RNFT2: variants seen among roughly 807,000 people sequenced by gnomAD.
RNFT2 encodes the protein ring finger protein, transmembrane 2, also known as E3 ubiquitin-protein ligase RNFT2.
RNFT2 carries 36 observed loss-of-function variants against 53.0 expected under a neutral mutation model. That is an observed-to-expected ratio of 0.68 (90% CI 0.52 to 0.90). The LOEUF is 0.90. Ranked by LOEUF, RNFT2 falls within the 40% of genes least tolerant of loss-of-function variation. RNFT2 has a pLI of 0.00. For synonymous variants in RNFT2, 260 were observed against 253.2 expected (o/e 1.03, Z -0.26); for missense variants, 514 against 585.6 (o/e 0.88, Z 1.26).
intron 7 of RNFT2, among the ~76,000 whole-genome samples, chr12:116,780,792 A>G (rs1217702875): frequency 1.3e-5 from 2 of 152,036 alleles, no homozygotes; most frequent in Non-Finnish European, 2.9e-5. Context: ...CCTTTTGCCC[A>G]TTGAGCTCAT....
At chr12:116,837,414 A>T (rs1020379368) in intron 10 of RNFT2, among the ~76,000 whole-genome samples, 25 of 152,134 alleles carry the variant, frequency 1.6e-4, no homozygotes, top group African/African-American at 6.0e-4. Flanking sequence ...GATGAGTTCC[A>T]GGTTGGGAAG....
At chr12:116,839,796 C>A in intron 10 of RNFT2, among the ~76,000 whole-genome samples, 1 of 145,322 alleles carries the variant, frequency 6.9e-6, no homozygotes, top group Non-Finnish European at 1.5e-5. Flanking sequence ...GAGGGAGGGG[C>A]GGAGGGGCCC....
At chr12:116,816,817 G>A (rs1875705921) in intron 7 of RNFT2, among the ~76,000 whole-genome samples, 2 of 152,000 alleles carry the variant, frequency 1.3e-5, no homozygotes, top group African/African-American at 4.8e-5. Context: ...TAACATGTAT[G>A]AGGTATAAAA....
At chr12:116,814,453 T>C (rs561324130) in intron 7 of RNFT2, among the ~76,000 whole-genome samples, 1 of 152,124 alleles carries the variant, frequency 6.6e-6, no homozygotes, top group African/African-American at 2.4e-5. Flanking sequence ...ATGCAAAGCC[T>C]TGAAGGAAGC....
At chr12:116,771,950 G>C (rs1407687469) in intron 6 of RNFT2, among the ~76,000 whole-genome samples, 1 of 152,192 alleles carries the variant, frequency 6.6e-6, no homozygotes, top group African/African-American at 2.4e-5. Flanking sequence ...ATCTCGAACG[G>C]TCAACAGTTT....
At chr12:116,774,669 C>A (rs1336617883) in intron 6 of RNFT2, among the ~76,000 whole-genome samples, 1 of 151,786 alleles carries the variant, frequency 6.6e-6, no homozygotes, top group Non-Finnish European at 1.5e-5. Context: ...GTTTTGCCAT[C>A]TTCTGAGGCT....
chr12:116,741,177 C>T, intron 3 of RNFT2, 83 bp downstream of exon 3: 1 of 1,058,930 alleles, frequency 9.4e-7, no homozygotes, highest in Non-Finnish European at 1.4e-6. Flanking sequence ...TGAACAATAC[C>T]TCACCCTCAG....
chr12:116,832,148 A>AAT lies in RNFT2; in HGVS notation c.883-1623_883-1622dup, dbSNP rs1555209703. On this transcript the variant is annotated intron_variant, in intron 7 of 10. Transcript: ENST00000257575. ...CTTGTCTCAAAAAAAAAAAAAAAAAAATATATATATATATATATATATCTT... is the reference window on the plus strand; with the variant it reads ...CTTGTCTCAAAAAAAAAAAAAAAAAAATATATATATATATATATATATATCTT... Among the ~76,000 whole-genome samples the AAT allele has an allele frequency of 6.4e-3, 352 of 55,146 alleles. 5 individuals are homozygous for AAT. Among genetic ancestry groups the AAT allele is most frequent in the African/African-American group, 0.018 (258 of 14,256 alleles). 36.2% of individuals were successfully genotyped at this position (55,146 alleles called of 152,430 possible).
intron 5 of RNFT2, among the ~76,000 whole-genome samples, chr12:116,761,924 G>A (rs543238783): frequency 1.3e-5 from 2 of 152,142 alleles, no homozygotes; most frequent in Admixed American, 6.5e-5. Flanking sequence ...CATCCAGGCC[G>A]GTCGCGGTGG....
rs144816926 is a variant in RNFT2 at position 116,770,347 on chromosome 12, A to C, written c.728+3433A>C. Among the ~76,000 whole-genome samples, 283 of 152,328 alleles carry C rather than the reference A, an allele frequency of 1.9e-3. 1 individual carries two copies. The highest frequency in any genetic ancestry group is 3.7e-3 in the Admixed American group (56 of 15,300). On this transcript the variant is annotated intron_variant, in intron 6 of 10. Coordinates refer to ENST00000257575, the MANE Select transcript of RNFT2 (RefSeq NM_001382266.1). The stretch of plus-strand genomic sequence containing the variant: ...TTGTAATCTAAGAGTAATAGGCTAT[A>C]TCATATAGCCTAGATGTGTAGTAGG...
chr12:116,798,734 T>C (rs949133269), intron 7 of RNFT2, among the ~76,000 whole-genome samples: 3 of 152,006 alleles, frequency 2.0e-5, no homozygotes, highest in Admixed American at 2.0e-4. Flanking sequence ...GCCCAGCTAA[T>C]TTTTCATATA....
chr12:116,851,672 T>G lies in RNFT2; in HGVS notation c.*2224T>G, dbSNP rs1592998037. 9.5e-6 allele frequency: 6 copies of G among 632,352 alleles called. No homozygotes were observed. The highest frequency in any genetic ancestry group is 3.7e-5 in the African/African-American group (2 of 53,652). 39.2% of individuals were successfully genotyped at this position (632,352 alleles called of 1,614,324 possible). ...GGGAGAACTGCTTGAACTCGGGAGG[T>G]GAAAGTTGCAGTGAGCCGAGATTGC... On this transcript the variant is annotated 3_prime_UTR_variant, in exon 11 of 11. Coordinates refer to ENST00000257575, the MANE Select transcript of RNFT2 (RefSeq NM_001382266.1).
At position 116,750,881 on chromosome 12, in the gene RNFT2, T is replaced by TTATA. The variant is rs1207792122; in HGVS notation, c.550+581_550+584dup. ...ATATTATATATATATAATATATATATTATATATATAATATATATATATATA... is the reference window on the plus strand; with the variant it reads ...ATATTATATATATATAATATATATATTATATATATATATAATATATATATATATA... On this transcript the variant is annotated intron_variant, in intron 4 of 10. Transcript: ENST00000257575. Among the ~76,000 whole-genome samples the TTATA allele has an allele frequency of 1.3e-3, 122 of 92,962 alleles. 2 individuals are homozygous for TTATA. Among genetic ancestry groups the TTATA allele is most frequent in the African/African-American group, 5.8e-3 (119 of 20,650 alleles). 61.0% of individuals were successfully genotyped at this position (92,962 alleles called of 152,430 possible).
At chr12:116,792,831 G>T (rs1874319720) in intron 7 of RNFT2, among the ~76,000 whole-genome samples, 1 of 152,114 alleles carries the variant, frequency 6.6e-6, no homozygotes, top group African/African-American at 2.4e-5. Flanking sequence ...GATGCTCTTT[G>T]CTGGGCCTCC....
chr12:116,822,564 C>T (rs1351974589), intron 7 of RNFT2, among the ~76,000 whole-genome samples: 2 of 152,188 alleles, frequency 1.3e-5, no homozygotes, highest in Non-Finnish European at 1.5e-5. Flanking sequence ...GTGCCTAGCA[C>T]ATAGTTAACA....
intron 6 of RNFT2, among the ~76,000 whole-genome samples, chr12:116,769,698 A>G (rs184813417): frequency 2.0e-4 from 31 of 152,354 alleles, no homozygotes; most frequent in African/African-American, 7.2e-4. Flanking sequence ...TGTTACAGTA[A>G]GCTAAGGTCA....
rs201181081 is a variant in RNFT2 at position 116,768,928 on chromosome 12, G to T, written c.728+2014G>T. Among the ~76,000 whole-genome samples the T allele has an allele frequency of 2.0e-4, 31 of 151,336 alleles. No homozygotes were observed. The East Asian group carries it at 5.3e-3, about 26-fold the overall frequency. On this transcript the variant is annotated intron_variant, in intron 6 of 10. Transcript: ENST00000257575. ...GTATTTTTAGTAGAGAAAGTGTTTTGCCATATTGGCCAGGCTGGTCTCAAA... is the reference window on the plus strand; with the variant it reads ...GTATTTTTAGTAGAGAAAGTGTTTTTCCATATTGGCCAGGCTGGTCTCAAA...
chr12:116,809,118 TG>T (rs558582799), intron 7 of RNFT2, among the ~76,000 whole-genome samples: 37 of 152,340 alleles, frequency 2.4e-4, no homozygotes, highest in South Asian at 1.9e-3. Flanking sequence ...TAGTCCTTGC[TG>T]GAGCCATCCA....
chr12:116,849,162 G>A (rs1206950146), intron 10 of RNFT2, among the ~76,000 whole-genome samples, 152 bp from the exon 11 acceptor site: 2 of 152,112 alleles, frequency 1.3e-5, no homozygotes, highest in Non-Finnish European at 2.9e-5. Context: ...TGATAACTCA[G>A]TATTTTGGAG....
Sources: gnomAD v4.1 joint callset for allele counts (sites outside exome capture counted in the v4.1 genomes callset) on GRCh38, gnomAD v4.1.1 for gene constraint, MANE v1.5 for transcripts, NCBI Gene and HGNC (gene_info 2026-07-23, HGNC 2026-07-21) for gene names.